Variants in GSAP observed in about 807,000 individuals in gnomAD.
The protein encoded by GSAP is gamma-secretase-activating protein.
In GSAP, 118 loss-of-function variants were observed where a neutral mutation model predicts 131.7. The observed-to-expected ratio is 0.90, with a 90% CI of 0.77 to 1.04. The LOEUF is 1.04. GSAP is among the 50% of genes least tolerant of loss of function. The pLI, the probability that GSAP is intolerant of heterozygous loss-of-function variation, is 0.00. For missense variants in GSAP, 1,019 were observed against 1,013.2 expected, an observed-to-expected ratio of 1.01 and a Z score of -0.08; for synonymous variants, 381 against 363.4, an observed-to-expected ratio of 1.05 and a Z score of -0.55.
At chr7:77,336,290 G>C (rs1051268235) in intron 19 of GSAP, among the ~76,000 whole-genome samples, 2 of 152,054 alleles carry the variant, frequency 1.3e-5, no homozygotes, top group Admixed American at 6.5e-5. Flanking sequence ...TCTCAGTCTT[G>C]AGAATGAAAA....
intron 12 of GSAP, among the ~76,000 whole-genome samples, chr7:77,372,064 ACT>A (rs900876999): frequency 3.3e-5 from 5 of 152,226 alleles, no homozygotes; most frequent in Non-Finnish European, 5.9e-5. Flanking sequence ...CCTGTGAAGT[ACT>A]CTCACTAAAA....
chr7:77,381,562 A>G (rs1186534431), intron 7 of GSAP, among the ~76,000 whole-genome samples: 2 of 152,200 alleles, frequency 1.3e-5, no homozygotes, highest in Non-Finnish European at 2.9e-5. Context: ...TTTACAGTTA[A>G]TTTCAAGTCC....
At chr7:77,315,666 T>C (rs1410429446) in intron 26 of GSAP, 1 of 152,216 alleles carries the variant, frequency 6.6e-6, no homozygotes, top group Non-Finnish European at 1.5e-5. Flanking sequence ...TCAACCATAA[T>C]GTCACTGTTA....
intron 3 of GSAP, among the ~76,000 whole-genome samples, chr7:77,403,997 G>T (rs112186243): frequency 1.3e-5 from 2 of 152,222 alleles, no homozygotes; most frequent in South Asian, 2.1e-4. Context: ...TTAGAAACAG[G>T]TGTCCATCAA....
Position 77,346,834 on chromosome 7 carries a change from G to T in GSAP, c.1545+2517C>A, listed in dbSNP as rs114084494. 9.4e-3 allele frequency among the ~76,000 whole-genome samples: 1,434 copies of T among 151,804 alleles called. 21 individuals are homozygous for T. The highest frequency in any genetic ancestry group is 0.032 in the African/African-American group (1,321 of 41,300). ...GTTACAGCCTGATGTTATAATATCG[G>T]GTATTTTAGGCTTCGGGACCAGGAC... On this transcript the variant is annotated intron_variant, in intron 19 of 30. Coordinates refer to ENST00000257626, the MANE Select transcript of GSAP (RefSeq NM_017439.4).
intron 16 of GSAP, 171 bp from the exon 17 acceptor site, chr7:77,353,812 G>A: frequency 2.1e-6 from 1 of 483,344 alleles, no homozygotes; most frequent in Non-Finnish European, 3.7e-6. Flanking sequence ...ATTCTGGGTA[G>A]GTAAAACGGT....
rs535289426 is a variant in GSAP, at chr7:77,392,416, C to T, written c.367+4566G>A. The stretch of plus-strand genomic sequence containing the variant: ...ACAAAAAATTAGCCAGGCGTGGTGG[C>T]GCACACTTGTAATCCCAGCTACTCG... On this transcript the variant is annotated intron_variant, in intron 5 of 30. Transcript: ENST00000257626. 2.4e-3 allele frequency among the ~76,000 whole-genome samples: 361 copies of T among 151,562 alleles called. 1 individual carries two copies. The highest frequency in any genetic ancestry group is 8.5e-3 in the African/African-American group (351 of 41,274).
chr7:77,385,287 G>C (rs1302440651), intron 6 of GSAP, among the ~76,000 whole-genome samples: 1 of 152,020 alleles, frequency 6.6e-6, no homozygotes, highest in African/African-American at 2.4e-5. Flanking sequence ...GCCCTCCTTG[G>C]CCTCCTAAAG....
chr7:77,381,436 T>C, intron 7 of GSAP, 82 bp from the exon 8 acceptor site: 7 of 660,916 alleles, frequency 1.1e-5, no homozygotes, highest in South Asian at 8.4e-5. Flanking sequence ...TGTAAAAACA[T>C]TGTTATAAAA....
chr7:77,361,773 CTG>C, intron 13 of GSAP, among the ~76,000 whole-genome samples: 1 of 152,176 alleles, frequency 6.6e-6, no homozygotes, highest in Non-Finnish European at 1.5e-5. Context: ...ACAGGGCACA[CTG>C]TGATTGACTA....
At chr7:77,415,002 A>T (rs961932852) in intron 1 of GSAP, among the ~76,000 whole-genome samples, 1 of 151,704 alleles carries the variant, frequency 6.6e-6, no homozygotes, top group Non-Finnish European at 1.5e-5. Flanking sequence ...GGATTACAGG[A>T]GCGTGTCACC....
intron 12 of GSAP, among the ~76,000 whole-genome samples, chr7:77,365,713 T>A (rs1007503021): frequency 6.6e-6 from 1 of 152,168 alleles, no homozygotes; most frequent in Non-Finnish European, 1.5e-5. Flanking sequence ...TATATCTTTA[T>A]GGTAGAATGA....
At chr7:77,352,167 C>T (rs79543614) in intron 18 of GSAP, among the ~76,000 whole-genome samples, 2,022 of 152,300 alleles carry the variant, frequency 0.013, 17 homozygotes, top group Non-Finnish European at 0.018. Flanking sequence ...AGGGTCTAAA[C>T]ATAAAGTGTC....
Position 77,328,588 on chromosome 7 carries a change from T to C in GSAP, c.1765+18A>G. ...ACTGACTGGAACCCAGAAGGCTTTA[T>C]TACAGATCTTTTCTTACCCAAATTT... On this transcript the variant is annotated intron_variant, in intron 22 of 30. Coordinates refer to ENST00000257626, the MANE Select transcript of GSAP (RefSeq NM_017439.4). The C allele has an allele frequency of 1.2e-6, 2 of 1,609,090 alleles. No individual in the cohort carries two copies. The highest frequency in any genetic ancestry group is 1.1e-5 in the South Asian group (1 of 89,912).
chr7:77,339,417 G>T (rs570820997), intron 19 of GSAP, among the ~76,000 whole-genome samples: 1 of 152,178 alleles, frequency 6.6e-6, no homozygotes, highest in Non-Finnish European at 1.5e-5. Flanking sequence ...CTTCTCCTGA[G>T]TCCAGGGCTA....
intron 1 of GSAP, among the ~76,000 whole-genome samples, chr7:77,406,915 G>A (rs933045733): frequency 1.3e-5 from 2 of 152,188 alleles, no homozygotes; most frequent in Non-Finnish European, 2.9e-5. Context: ...CGGTTTTGGT[G>A]GTTTAGAGGC....
rs1454463958 is a variant in GSAP, at chr7:77,324,520, A to G, written c.1828-778T>C. Among the ~76,000 whole-genome samples the G allele has an allele frequency of 2.6e-5, 4 of 152,164 alleles. No homozygotes were observed. In the East Asian group the frequency reaches 5.8e-4, roughly 22 times the overall value. On this transcript the variant is annotated intron_variant, in intron 23 of 30. Coordinates refer to ENST00000257626, the MANE Select transcript of GSAP (RefSeq NM_017439.4). ...TATATCACCCATGCACACATCTTCTATTTTAGCAGGTTCACATTACAATAC... is the reference window on the plus strand; with the variant it reads ...TATATCACCCATGCACACATCTTCTGTTTTAGCAGGTTCACATTACAATAC...
chr7:77,385,675 A>G (rs530744273), intron 6 of GSAP, among the ~76,000 whole-genome samples: 7 of 152,288 alleles, frequency 4.6e-5, no homozygotes, highest in African/African-American at 9.6e-5. Context: ...AGGCCAGGCC[A>G]TATCTGGAAT....
chr7:77,330,326 G>A lies in GSAP; in HGVS notation c.1587C>T (p.Asn529=). Residue 529 remains asparagine (N), a synonymous_variant, in exon 20 of 31, where the codon AAC becomes AAT. Coordinates refer to ENST00000257626, the MANE Select transcript of GSAP (RefSeq NM_017439.4). The part of the protein sequence containing the change: ...FKGYWEKLNS[N]LEYVKYAKPH... ...GCTTGGCGTACTTAACATATTCTAG[G>A]TTGGAGTTCAGTTTTTCCCAGTAGC... 5.0e-6 allele frequency: 8 copies of A among 1,613,798 alleles called. No individual in the cohort carries two copies. Among genetic ancestry groups the A allele is most frequent in the Non-Finnish European group, 6.8e-6 (8 of 1,179,852 alleles).
Sources: gnomAD v4.1 joint callset for allele counts (sites outside exome capture counted in the v4.1 genomes callset) on GRCh38, gnomAD v4.1.1 for gene constraint, MANE v1.5 for transcripts, NCBI Gene and HGNC (gene_info 2026-07-23, HGNC 2026-07-21) for gene names.